Variants in GOLGA4 observed in about 807,000 individuals in gnomAD.
GOLGA4 encodes golgin subfamily A member 4.
Under a neutral mutation model 265.9 loss-of-function variants are expected in GOLGA4, and 169 were observed. The ratio of observed to expected loss-of-function variants is 0.64; its 90% confidence interval spans 0.56 to 0.72. The LOEUF (loss-of-function observed/expected upper bound fraction) is 0.72. Among genes scored for constraint, GOLGA4 ranks in the 30% least tolerant of loss-of-function variants. The pLI is 0.00. For synonymous variants in GOLGA4, 923 were observed against 855.8 expected (o/e 1.08, Z -1.37); for missense variants, 2,482 against 2,483.4 (o/e 1.00, Z 0.01).
chr3:37,311,033 A>T (rs780482203), intron 10 of GOLGA4, among the ~76,000 whole-genome samples: 5 of 152,270 alleles, frequency 3.3e-5, no homozygotes, highest in Middle Eastern at 3.4e-3. Context: ...TCACTTTGGA[A>T]AGGGTAGGGA....
intron 22 of GOLGA4, among the ~76,000 whole-genome samples, chr3:37,360,943 C>T (rs777433311): frequency 2.6e-5 from 4 of 152,064 alleles, no homozygotes; most frequent in South Asian, 4.1e-4. Flanking sequence ...ATAATTGCCC[C>T]GTAATTCAGC....
intron 1 of GOLGA4, chr3:37,243,996 C>G: frequency 4.5e-6 from 1 of 221,056 alleles, no homozygotes; most frequent in Non-Finnish European, 9.0e-6. Flanking sequence ...GTGGAAAAAC[C>G]CGGGTCCCTT....
chr3:37,366,191 T>C lies in GOLGA4; in HGVS notation c.*145T>C. Reference sequence around the variant, plus strand: ...TGAAGTTGTCATTCAGGGCCCCTCATGTAGCCAAAAGACCAAGAAAAATCT... The same window carrying C: ...TGAAGTTGTCATTCAGGGCCCCTCACGTAGCCAAAAGACCAAGAAAAATCT... On this transcript the variant is annotated 3_prime_UTR_variant, in exon 24 of 24. Coordinates refer to ENST00000361924, the MANE Select transcript of GOLGA4 (RefSeq NM_002078.5). 9.3e-7 allele frequency: 1 copy of C among 1,071,524 alleles called. No homozygotes were observed. Among genetic ancestry groups the C allele is most frequent in the East Asian group, 2.7e-5 (1 of 36,864 alleles). The allele number at this position is 1,071,524 out of a possible 1,614,324, so 66.4% of individuals were successfully genotyped here. A position where few individuals can be genotyped will look rare whatever the true frequency, so the allele number is the denominator to read the frequency against.
intron 2 of GOLGA4, among the ~76,000 whole-genome samples, chr3:37,258,928 A>G (rs1489402641): frequency 6.6e-6 from 1 of 152,130 alleles, no homozygotes; most frequent in East Asian, 1.9e-4. Context: ...TTCATAAGAG[A>G]TGCTGGTCTG....
chr3:37,361,288 G>C lies in GOLGA4; in HGVS notation c.*16G>C. ...TATCTTCTGAGTAAACCATCAGTCT[G>C]TGCTTAGTTAACATGTGGTGAGTGA... On this transcript the variant is annotated 3_prime_UTR_variant, in exon 23 of 24. Coordinates refer to ENST00000361924, the MANE Select transcript of GOLGA4 (RefSeq NM_002078.5). 1 of 1,612,072 alleles carries C rather than the reference G, an allele frequency of 6.2e-7. No homozygotes were observed. The highest frequency in any genetic ancestry group is 1.1e-5 in the South Asian group (1 of 91,024).
chr3:37,325,466 A>G lies in GOLGA4; in HGVS notation c.3580A>G (p.Lys1194Glu), dbSNP rs1367177368. 1 of 1,611,992 alleles carries G rather than the reference A, an allele frequency of 6.2e-7. No homozygotes were observed. The highest frequency in any genetic ancestry group is 1.3e-5 in the African/African-American group (1 of 74,724). ...EFQSLKSSHE[K>E]SNKSLEDKSL... Reference sequence around the variant, plus strand: ...CCAGAGTTTGAAATCTTCACATGAAAAAAGTAACAAAAGCCTAGAGGACAA... The same window carrying G: ...CCAGAGTTTGAAATCTTCACATGAAGAAAGTAACAAAAGCCTAGAGGACAA... Residue 1194 changes from lysine (K) to glutamate (E), a missense_variant, in exon 14 of 24, where the codon AAA (lysine) becomes GAA (glutamate). Lys to Glu is a moderately conservative substitution (Grantham distance 56). Transcript: ENST00000361924.
chr3:37,245,232 A>C (rs970642031), intron 1 of GOLGA4: 2 of 152,686 alleles, frequency 1.3e-5, no homozygotes, highest in Admixed American at 6.5e-5. Flanking sequence ...CATTTTGCTT[A>C]GTATTTACAC....
intron 23 of GOLGA4, among the ~76,000 whole-genome samples, chr3:37,364,896 A>G (rs1696630058): frequency 6.6e-6 from 1 of 151,670 alleles, no homozygotes; most frequent in Non-Finnish European, 1.5e-5. Context: ...CCCAGCCAGC[A>G]TTTCTAATTA....
Position 37,281,950 on chromosome 3 carries a change from G to T in GOLGA4, c.163-8G>T. The T allele has an allele frequency of 6.2e-7, 1 of 1,600,538 alleles. No homozygotes were observed. Among genetic ancestry groups the T allele is most frequent in the Non-Finnish European group, 8.5e-7 (1 of 1,170,466 alleles). ...TAATCCACACATTCTGTTGGGTTTT[G>T]GTTGCAGTCAGGTGACACACAGTCT... On this transcript the variant is annotated splice_polypyrimidine_tract_variant and splice_region_variant and intron_variant, in intron 2 of 23. Coordinates refer to ENST00000361924, the MANE Select transcript of GOLGA4 (RefSeq NM_002078.5).
chr3:37,275,610 G>T (rs1027312449), intron 2 of GOLGA4: 15 of 1,506,826 alleles, frequency 1.0e-5, no homozygotes, highest in Non-Finnish European at 1.4e-5. Context: ...CGCGCCGGGG[G>T]TCGCTCCTGC....
chr3:37,347,723 T>G (rs1199048376), intron 21 of GOLGA4, among the ~76,000 whole-genome samples: 2 of 152,300 alleles, frequency 1.3e-5, no homozygotes, highest in African/African-American at 4.8e-5. Flanking sequence ...TTATAGTTAC[T>G]GTAAGAAAAT....
chr3:37,348,189 A>G (rs2097062130), intron 21 of GOLGA4, among the ~76,000 whole-genome samples: 1 of 152,192 alleles, frequency 6.6e-6, no homozygotes, highest in South Asian at 2.1e-4. Context: ...CTAAAAAGCA[A>G]ATATCTTAAA....
chr3:37,287,931 AT>A (rs1460499073), intron 4 of GOLGA4, among the ~76,000 whole-genome samples: 1 of 152,112 alleles, frequency 6.6e-6, no homozygotes, highest in Non-Finnish European at 1.5e-5. Context: ...AGATTACCCT[AT>A]TCCTTTACCT....
intron 23 of GOLGA4, among the ~76,000 whole-genome samples, chr3:37,364,831 G>GTCCTCTGACCCTGGTCTCACTTT: frequency 6.6e-6 from 1 of 151,220 alleles, no homozygotes; most frequent in African/African-American, 2.4e-5. Context: ...GGCTCAAGCA[G>GTCCTCTGACCCTGGTCTCACTTT]TCCTCTGACC....
intron 2 of GOLGA4, among the ~76,000 whole-genome samples, chr3:37,266,143 C>T (rs1194241672): frequency 6.6e-6 from 1 of 151,472 alleles, no homozygotes; most frequent in African/African-American, 2.4e-5. Context: ...AAACTATGTC[C>T]TGTCATGTAT....
intron 2 of GOLGA4, among the ~76,000 whole-genome samples, chr3:37,274,645 A>G (rs1037574266): frequency 6.6e-6 from 1 of 151,538 alleles, no homozygotes. Flanking sequence ...GTGAGCTGAG[A>G]TTGTACCACT....
chr3:37,245,167 G>T (rs1255044515), intron 1 of GOLGA4: 1 of 152,540 alleles, frequency 6.6e-6, no homozygotes, highest in African/African-American at 2.4e-5. Context: ...TGCTTCATAG[G>T]TTATTATGCA....
At chr3:37,347,091 C>A (rs1345615731) in intron 20 of GOLGA4, 102 bp from the exon 21 acceptor site, 5 of 663,230 alleles carry the variant, frequency 7.5e-6, no homozygotes, top group African/African-American at 5.5e-5. Context: ...AAAAGCATGC[C>A]TCTCTTTGTT....
intron 2 of GOLGA4, among the ~76,000 whole-genome samples, chr3:37,252,640 G>A (rs1418211127): frequency 1.3e-5 from 2 of 152,020 alleles, no homozygotes; most frequent in Non-Finnish European, 2.9e-5. Flanking sequence ...TCTACTCTGT[G>A]TAAATATGCT....
Sources: allele counts gnomAD v4.1 joint callset (sites outside exome capture counted in the v4.1 genomes callset), GRCh38; gene constraint gnomAD v4.1.1; transcripts MANE v1.5; gene names NCBI Gene and HGNC (gene_info 2026-07-23, HGNC 2026-07-21).